The following POLH variants were observed in gnomAD, a reference collection of about 807,000 sequenced individuals.
POLH encodes DNA polymerase eta transcript.
In POLH, 53 loss-of-function variants were observed where a neutral mutation model predicts 73.6. The observed-to-expected ratio is 0.72, with a 90% confidence interval of 0.58 to 0.91. POLH has a LOEUF of 0.91. Ranked by LOEUF, POLH falls within the 40% of genes least tolerant of loss-of-function variation. POLH has a pLI of 0.00. For missense variants in POLH, 768 were observed against 865.4 expected (o/e 0.89, Z 1.41); for synonymous variants, 292 against 308.5 (o/e 0.95, Z 0.56).
rs955824457 is a variant in POLH at position 43,617,982 on chromosome 6, G to A, written c.*3425G>A. On this transcript the variant is annotated 3_prime_UTR_variant, in exon 11 of 11. Transcript: ENST00000372236. ...AAATGCTGATCTAAAAGATACTAAT[G>A]ACCAGGTGTGTAGAGGACATTTTCT... 6.6e-6 allele frequency among the ~76,000 whole-genome samples: 1 copy of A among 152,116 alleles called. No individual in the cohort carries two copies. The highest frequency in any genetic ancestry group is 2.4e-5 in the African/African-American group (1 of 41,438).
At chr6:43,612,610 G>A (rs1031882421) in intron 10 of POLH, among the ~76,000 whole-genome samples, 1 of 151,838 alleles carries the variant, frequency 6.6e-6, no homozygotes, top group African/African-American at 2.4e-5. Flanking sequence ...GCCTCCCAAA[G>A]TGCTGGGATT....
intron 10 of POLH, among the ~76,000 whole-genome samples, chr6:43,613,228 A>C (rs1161130243): frequency 2.0e-5 from 3 of 152,226 alleles, no homozygotes; most frequent in Non-Finnish European, 1.5e-5. Flanking sequence ...TAAAAACAGG[A>C]TAATGGCTAA....
At chr6:43,581,719 A>G (rs1394799466) in intron 1 of POLH, among the ~76,000 whole-genome samples, 2 of 145,186 alleles carry the variant, frequency 1.4e-5, no homozygotes, top group African/African-American at 2.7e-5. Flanking sequence ...GCTCCGCTTC[A>G]TATCTGCAGC....
At chr6:43,578,765 A>G (rs9333505) in intron 1 of POLH, among the ~76,000 whole-genome samples, 4,998 of 151,810 alleles carry the variant, frequency 0.033, 266 homozygotes, top group African/African-American at 0.11. Flanking sequence ...CATGAATGCT[A>G]TGATGTTATA....
intron 4 of POLH, among the ~76,000 whole-genome samples, chr6:43,596,675 G>A (rs1412844617): frequency 6.6e-6 from 1 of 152,194 alleles, no homozygotes; most frequent in East Asian, 1.9e-4. Context: ...GAACATTTGA[G>A]AAGGAAGACA....
intron 5 of POLH, 111 bp downstream of exon 5, chr6:43,597,976 G>A (rs935218807): frequency 5.5e-5 from 50 of 915,004 alleles, no homozygotes; most frequent in Admixed American, 1.6e-4. Flanking sequence ...AGTTTCGCAC[G>A]CCTATGTGAG....
chr6:43,581,797 C>T (rs1001590924), intron 1 of POLH, among the ~76,000 whole-genome samples: 2 of 150,700 alleles, frequency 1.3e-5, no homozygotes, highest in Non-Finnish European at 3.0e-5. Context: ...AGCGCAGCCG[C>T]GCCAACCACC....
At chr6:43,600,777 AATG>A (rs1287059574) in intron 5 of POLH, among the ~76,000 whole-genome samples, 1 of 152,234 alleles carries the variant, frequency 6.6e-6, no homozygotes, top group African/African-American at 2.4e-5. Context: ...CAGTGAGGAT[AATG>A]ATATTGCGTC....
intron 4 of POLH, chr6:43,588,754 A>G (rs1042733615): frequency 1.3e-5 from 2 of 151,072 alleles, no homozygotes; most frequent in East Asian, 2.0e-4. Flanking sequence ...TACCTGGCCT[A>G]TATCTTTATA....
chr6:43,587,529 T>G (rs929375562), intron 4 of POLH, 40 bp downstream of exon 4: 1 of 1,393,030 alleles, frequency 7.2e-7, no homozygotes, highest in African/African-American at 1.4e-5. Context: ...TTCCTGCCTT[T>G]GGAACCTGCT....
intron 7 of POLH, among the ~76,000 whole-genome samples, 176 bp downstream of exon 7, chr6:43,604,187 A>C (rs1767029105): frequency 6.6e-6 from 1 of 151,652 alleles, no homozygotes; most frequent in South Asian, 2.1e-4. Flanking sequence ...ATCAGTCTAG[A>C]GTAGTTTTTT....
rs1768578791 is a variant in POLH, at chr6:43,619,561, A to G, written c.*5004A>G. On this transcript the variant is annotated 3_prime_UTR_variant, in exon 11 of 11. Coordinates refer to ENST00000372236, the MANE Select transcript of POLH (RefSeq NM_006502.3). ...GATTACCACAATTGGGATCATAAAC[A>G]TGTATAAACTCCTTGGGAGTCTGCC... is the stretch of plus-strand genomic sequence containing the variant. Among the ~76,000 whole-genome samples, 1 of 152,132 alleles carries G rather than the reference A, an allele frequency of 6.6e-6. No individual in the cohort carries two copies. Among genetic ancestry groups the G allele is most frequent in the African/African-American group, 2.4e-5 (1 of 41,424 alleles).
chr6:43,603,817 T>C (rs1296446608), intron 6 of POLH, 75 bp from the exon 7 acceptor site: 81 of 1,472,044 alleles, frequency 5.5e-5, no homozygotes, highest in Non-Finnish European at 7.5e-5. Flanking sequence ...GTTTACAAAG[T>C]AGAATGTCTT....
Position 43,582,385 on chromosome 6 carries a change from G to A in POLH, c.66G>A (p.Glu22=). ...VDMDCFFVQV[E]QRQNPHLRNK... ...TGGACTGTTTTTTTGTTCAAGTGGA[G>A]CAGCGGCAAAATCCTCATTTGAGGA... Residue 22 remains glutamate (E), a synonymous_variant, in exon 2 of 11, where the codon GAG becomes GAA. Transcript: ENST00000372236. 7 of 1,613,936 alleles carry A rather than the reference G, an allele frequency of 4.3e-6. No homozygotes were observed. Among genetic ancestry groups the A allele is most frequent in the Non-Finnish European group, 5.9e-6 (7 of 1,179,826 alleles).
rs771268672 is a variant in POLH, at chr6:43,604,731, G to A, written c.1001G>A (p.Arg334Gln). 1.2e-5 allele frequency: 19 copies of A among 1,613,924 alleles called. No homozygotes were observed. The East Asian group carries it at 3.3e-4, about 28-fold the overall frequency. Reference sequence around the variant, plus strand: ...CCAGGAAAAACAGCTCTTGCTACTCGGGAACAGGTAAGCTGGCATTCTTGA... The same window carrying A: ...CCAGGAAAAACAGCTCTTGCTACTCAGGAACAGGTAAGCTGGCATTCTTGA... ...NFPGKTALAT[R>Q]EQVQWWLLQL... The change falls in exon 8 of 11, where the codon CGG becomes CAG. Residue 334 changes from arginine (R) to glutamine (Q), a missense_variant. By Grantham distance (43) the Arg-to-Gln change is conservative. Coordinates refer to ENST00000372236, the MANE Select transcript of POLH (RefSeq NM_006502.3).
intron 1 of POLH, among the ~76,000 whole-genome samples, chr6:43,580,117 G>C (rs1311430234): frequency 1.3e-5 from 2 of 149,410 alleles, no homozygotes; most frequent in Middle Eastern, 3.4e-3. Flanking sequence ...GACTCTTAAC[G>C]AGCATGCTGC....
chr6:43,613,007 T>G (rs978745772), intron 10 of POLH, among the ~76,000 whole-genome samples: 1 of 151,244 alleles, frequency 6.6e-6, no homozygotes, highest in Non-Finnish European at 1.5e-5. Flanking sequence ...ACCATGTTGG[T>G]CAGGCTGGTC....
chr6:43,578,847 C>T (rs982183288), intron 1 of POLH, among the ~76,000 whole-genome samples: 3 of 152,138 alleles, frequency 2.0e-5, no homozygotes, highest in Non-Finnish European at 4.4e-5. Context: ...CGTATTGGTT[C>T]TCTTCCCCTG....
chr6:43,595,967 A>G (rs1042689628), intron 4 of POLH, among the ~76,000 whole-genome samples: 5 of 152,160 alleles, frequency 3.3e-5, no homozygotes, highest in Non-Finnish European at 5.9e-5. Flanking sequence ...TAGTGAGCCA[A>G]GATCATGCCA....
Sources: allele counts gnomAD v4.1 joint callset (sites outside exome capture counted in the v4.1 genomes callset), GRCh38; gene constraint gnomAD v4.1.1; transcripts MANE v1.5; gene names NCBI Gene and HGNC (gene_info 2026-07-23, HGNC 2026-07-21).